WWOX: variants seen among roughly 807,000 people sequenced by gnomAD.
WWOX encodes WW domain containing oxidoreductase, also known as WW domain-containing oxidoreductase.
A neutral mutation model predicts 46.2 loss-of-function variants in WWOX; 69 were observed. The ratio of observed to expected loss-of-function variants is 1.49; its 90% CI spans 1.23 to 1.82. WWOX has a LOEUF of 1.82. Ranked by LOEUF, WWOX falls within the 40% of genes most tolerant of loss-of-function variation. The probability of loss-of-function intolerance (pLI) is 0.00; values close to 1 mark genes in which losing one functional copy is unlikely to be tolerated. For missense variants in WWOX, 919 were observed against 542.6 expected (o/e 1.69, Z -6.89); for synonymous variants, 359 against 202.6 (o/e 1.77, Z -6.56).
At chr16:78,323,064 C>T (rs939470246) in intron 5 of WWOX, among the ~76,000 whole-genome samples, 11 of 152,016 alleles carry the variant, frequency 7.2e-5, no homozygotes, top group African/African-American at 2.2e-4. Context: ...ATAAAACAGG[C>T]GTTCCTTACC....
At chr16:78,856,413 C>T (rs762373267) in intron 8 of WWOX, among the ~76,000 whole-genome samples, 5 of 152,146 alleles carry the variant, frequency 3.3e-5, no homozygotes, top group African/African-American at 7.2e-5. Flanking sequence ...TTGGCTGAGG[C>T]GGGTGGATAG....
chr16:78,117,270 A>T, intron 4 of WWOX, among the ~76,000 whole-genome samples: 1 of 152,192 alleles, frequency 6.6e-6, no homozygotes, highest in African/African-American at 2.4e-5. Context: ...AGGATGGCAC[A>T]GATGTCGCAC....
chr16:79,121,624 A>C (rs560231063), intron 8 of WWOX, among the ~76,000 whole-genome samples: 2 of 151,950 alleles, frequency 1.3e-5, no homozygotes, highest in South Asian at 4.2e-4. Context: ...GATTTCAAAG[A>C]CTCCATGGAG....
chr16:78,610,289 G>C (rs976615171), intron 8 of WWOX, among the ~76,000 whole-genome samples: 8 of 151,958 alleles, frequency 5.3e-5, no homozygotes, highest in African/African-American at 1.7e-4. Context: ...GGTTAGATGT[G>C]GCATTTAATT....
At chr16:78,459,970 A>G (rs987538025) in intron 8 of WWOX, among the ~76,000 whole-genome samples, 7 of 151,440 alleles carry the variant, frequency 4.6e-5, no homozygotes, top group Non-Finnish European at 1.0e-4. Context: ...ACACCCAGCT[A>G]ATTTTTTGTA....
chr16:78,712,550 G>T (rs773228042), intron 8 of WWOX, among the ~76,000 whole-genome samples: 1 of 151,666 alleles, frequency 6.6e-6, no homozygotes, highest in Non-Finnish European at 1.5e-5. Flanking sequence ...AAGACACATA[G>T]TACCAGATGG....
chr16:79,058,377 C>G (rs1182989921), intron 8 of WWOX, among the ~76,000 whole-genome samples: 1 of 86,442 alleles, frequency 1.2e-5, no homozygotes, highest in Non-Finnish European at 2.3e-5. Flanking sequence ...GTAGTAAACT[C>G]TGGATAAATA....
chr16:78,440,585 C>G (rs190230654), intron 8 of WWOX, among the ~76,000 whole-genome samples: 1 of 151,962 alleles, frequency 6.6e-6, no homozygotes, highest in Admixed American at 6.5e-5. Flanking sequence ...TTGAACACAA[C>G]TGCAGTTTGA....
At chr16:78,122,644 A>C (rs1175589149) in intron 4 of WWOX, among the ~76,000 whole-genome samples, 2 of 150,102 alleles carry the variant, frequency 1.3e-5, no homozygotes, top group African/African-American at 4.9e-5. Context: ...TTGCTCTGTC[A>C]CCCAGGCTGT....
In WWOX at chr16:78,373,156, G is replaced by T. The variant is rs2081734602; in HGVS notation, c.517-13704G>T. Among the ~76,000 whole-genome samples the T allele has an allele frequency of 2.0e-5, 3 of 152,064 alleles. No homozygotes were observed. The South Asian group carries it at 6.2e-4, about 32-fold the overall frequency. On this transcript the variant is annotated intron_variant, in intron 5 of 8. Transcript: ENST00000566780. ...TTGTAAAAGCAGCGTGGAGCAGCCA[G>T]CACACAATGACATTTTAGCTCTTCC...
intron 8 of WWOX, among the ~76,000 whole-genome samples, chr16:78,923,334 C>G (rs976742966): frequency 1.3e-5 from 2 of 152,038 alleles, no homozygotes; most frequent in Admixed American, 6.6e-5. Flanking sequence ...TTAATTTCAC[C>G]AGAATATCAT....
chr16:78,936,054 A>T (rs953750719), intron 8 of WWOX, among the ~76,000 whole-genome samples: 4 of 152,130 alleles, frequency 2.6e-5, no homozygotes, highest in Non-Finnish European at 4.4e-5. Flanking sequence ...GAAAGAGTGG[A>T]GACTGGCCAT....
rs1567464399 is a variant in WWOX, at chr16:78,261,735, C to CGT, written c.516+97446_516+97447insGT. Among the ~76,000 whole-genome samples, 137 of 135,666 alleles carry CGT rather than the reference C, an allele frequency of 1.0e-3. 4 individuals carry two copies. The highest frequency in any genetic ancestry group is 3.6e-3 in the African/African-American group (129 of 35,710). 89.0% of individuals were successfully genotyped at this position (135,666 alleles called of 152,430 possible). On this transcript the variant is annotated intron_variant, in intron 5 of 8. Transcript: ENST00000566780. The stretch of plus-strand genomic sequence containing the variant: ...ACATGTTGTATGTGGGCCCATTTGC[C>CGT]ATGTGTGTGTGTGTGTCTGTCTATC...
chr16:78,825,508 T>A (rs12325279), intron 8 of WWOX: 4 of 492,066 alleles, frequency 8.1e-6, no homozygotes, highest in Non-Finnish European at 1.2e-5. Flanking sequence ...CAGAAGAGAT[T>A]TGGCTTCCCA....
chr16:78,602,290 T>C (rs1269227879), intron 8 of WWOX, among the ~76,000 whole-genome samples: 3 of 152,186 alleles, frequency 2.0e-5, no homozygotes, highest in Admixed American at 6.5e-5. Context: ...TGGAGTGCAG[T>C]GGTGTAATCT....
chr16:79,159,613 T>A (rs925874108), intron 8 of WWOX, among the ~76,000 whole-genome samples: 3 of 152,030 alleles, frequency 2.0e-5, no homozygotes, highest in African/African-American at 7.2e-5. Flanking sequence ...AGCTGATGAG[T>A]CCCCCAGAGA....
At chr16:79,070,590 C>G (rs1353825362) in intron 8 of WWOX, among the ~76,000 whole-genome samples, 2 of 152,136 alleles carry the variant, frequency 1.3e-5, no homozygotes, top group African/African-American at 4.8e-5. Flanking sequence ...CAGGTTCGGA[C>G]TGGTGCAGCA....
intron 4 of WWOX, among the ~76,000 whole-genome samples, chr16:78,138,772 G>A (rs1351112879): frequency 3.3e-5 from 5 of 152,174 alleles, no homozygotes; most frequent in African/African-American, 4.8e-5. Flanking sequence ...AGCACGCTGC[G>A]GGAGAGTCCC....
At chr16:78,984,630 C>T (rs777819691) in intron 8 of WWOX, among the ~76,000 whole-genome samples, 4 of 152,218 alleles carry the variant, frequency 2.6e-5, no homozygotes, top group Non-Finnish European at 5.9e-5. Context: ...GTCAATGTTT[C>T]TGTCTCAACT....
Sources: allele counts gnomAD v4.1 joint callset (sites outside exome capture counted in the v4.1 genomes callset), GRCh38; gene constraint gnomAD v4.1.1; transcripts MANE v1.5; gene names NCBI Gene and HGNC (gene_info 2026-07-23, HGNC 2026-07-21).